SPAG16: variants seen among roughly 807,000 people sequenced by gnomAD.
SPAG16 encodes the protein sperm-associated antigen 16 protein.
In SPAG16, 86 loss-of-function variants were observed where a neutral mutation model predicts 80.4. The observed-to-expected ratio is 1.07, with a 90% confidence interval of 0.90 to 1.28. SPAG16 has a LOEUF of 1.28. SPAG16 is among the 50% of genes most tolerant of loss of function. The pLI, the probability that SPAG16 is intolerant of heterozygous loss-of-function variation, is 0.00. For synonymous variants in SPAG16, 294 were observed against 265.9 expected (o/e 1.11, Z -1.03); for missense variants, 870 against 765.3 (o/e 1.14, Z -1.61).
chr2:214,154,650 T>C (rs1448840737), intron 15 of SPAG16, among the ~76,000 whole-genome samples: 3 of 152,128 alleles, frequency 2.0e-5, no homozygotes, highest in Non-Finnish European at 4.4e-5. Flanking sequence ...AGAAGCAGTA[T>C]AGTGTAAGGG....
At chr2:213,502,213 C>T (rs905445128) in intron 10 of SPAG16, among the ~76,000 whole-genome samples, 1 of 152,100 alleles carries the variant, frequency 6.6e-6, no homozygotes, top group South Asian at 2.1e-4. Context: ...GCAGCCTGGA[C>T]CCCCAGGGAT....
At chr2:213,641,649 G>T (rs1467445620) in intron 10 of SPAG16, among the ~76,000 whole-genome samples, 1 of 152,162 alleles carries the variant, frequency 6.6e-6, no homozygotes, top group African/African-American at 2.4e-5. Context: ...TTCTACTTTT[G>T]TATTTTACTT....
chr2:213,360,162 C>A (rs1036854782), intron 7 of SPAG16, among the ~76,000 whole-genome samples: 42 of 152,170 alleles, frequency 2.8e-4, no homozygotes, highest in African/African-American at 9.2e-4. Context: ...AATGCTAATA[C>A]TGAATACTTG....
chr2:213,569,843 C>A (rs1252312548), intron 10 of SPAG16, among the ~76,000 whole-genome samples: 3 of 134,872 alleles, frequency 2.2e-5, no homozygotes, highest in African/African-American at 7.0e-5. Context: ...TGGTAGAATT[C>A]GGCTGTGAAT....
At chr2:213,494,022 T>C (rs1033811588) in intron 10 of SPAG16, among the ~76,000 whole-genome samples, 32 of 152,128 alleles carry the variant, frequency 2.1e-4, no homozygotes, top group Non-Finnish European at 4.0e-4. Flanking sequence ...CACTCACTCA[T>C]TCTCATTTTC....
chr2:213,790,937 C>T (rs1037457788), intron 10 of SPAG16, among the ~76,000 whole-genome samples: 1 of 152,034 alleles, frequency 6.6e-6, no homozygotes, highest in Non-Finnish European at 1.5e-5. Flanking sequence ...TTGCTTTAAT[C>T]TATTCTCTAC....
rs188610753 is a variant in SPAG16, at chr2:213,699,332, T to C, written c.1071-163153T>C. On this transcript the variant is annotated intron_variant, in intron 10 of 15. Coordinates refer to ENST00000331683, the MANE Select transcript of SPAG16 (RefSeq NM_024532.5). The stretch of plus-strand genomic sequence containing the variant: ...AGACCACTCTTTGCAGACTTCTTCA[T>C]TGCCAGGATCTGCTTCTTAGTTTTC... 2.4e-3 allele frequency among the ~76,000 whole-genome samples: 364 copies of C among 152,364 alleles called. 2 individuals are homozygous for C. In the South Asian group the frequency reaches 0.026, roughly 11 times the overall value.
At chr2:213,991,839 G>A (rs918642647) in intron 12 of SPAG16, among the ~76,000 whole-genome samples, 1 of 149,748 alleles carries the variant, frequency 6.7e-6, no homozygotes, top group African/African-American at 2.5e-5. Flanking sequence ...ACTCTCAAGG[G>A]GACATTTTGA....
intron 15 of SPAG16, among the ~76,000 whole-genome samples, chr2:214,263,339 C>T (rs1468239396): frequency 6.6e-6 from 1 of 152,038 alleles, no homozygotes; most frequent in Non-Finnish European, 1.5e-5. Flanking sequence ...ATGTCTTTAC[C>T]TGCTTTGTTT....
At chr2:213,296,142 A>G in intron 2 of SPAG16, 32 bp downstream of exon 2, 1 of 1,440,202 alleles carries the variant, frequency 6.9e-7, no homozygotes, top group Non-Finnish European at 9.7e-7. Flanking sequence ...TTTATTCTGT[A>G]AATTTATTGC....
chr2:214,362,593 T>A (rs1361044014), intron 15 of SPAG16, among the ~76,000 whole-genome samples: 1 of 151,848 alleles, frequency 6.6e-6, no homozygotes, highest in Non-Finnish European at 1.5e-5. Context: ...GCCAATTGTT[T>A]CCTCCTCACT....
intron 13 of SPAG16, among the ~76,000 whole-genome samples, chr2:214,039,428 A>C (rs1006842887): frequency 6.6e-6 from 1 of 152,232 alleles, no homozygotes; most frequent in African/African-American, 2.4e-5. Context: ...AGCAATGGCA[A>C]CAAAAGCCAA....
intron 15 of SPAG16, among the ~76,000 whole-genome samples, chr2:214,252,463 A>C (rs1367788452): frequency 6.8e-6 from 1 of 147,680 alleles, no homozygotes; most frequent in Non-Finnish European, 1.5e-5. Flanking sequence ...ACCCCACGAC[A>C]GACCACAGTA....
intron 13 of SPAG16, among the ~76,000 whole-genome samples, chr2:214,074,597 T>A (rs936485533): frequency 6.6e-6 from 1 of 152,090 alleles, no homozygotes; most frequent in Non-Finnish European, 1.5e-5. Context: ...TTCCATTCAT[T>A]AACGCCATTA....
intron 10 of SPAG16, among the ~76,000 whole-genome samples, chr2:213,695,860 C>G (rs1250719500): frequency 6.6e-6 from 1 of 152,150 alleles, no homozygotes; most frequent in African/African-American, 2.4e-5. Context: ...GTAGGTTATG[C>G]AGGAAGCCTT....
intron 15 of SPAG16, among the ~76,000 whole-genome samples, chr2:214,331,358 C>A (rs1392675906): frequency 1.3e-5 from 2 of 152,182 alleles, no homozygotes; most frequent in African/African-American, 4.8e-5. Flanking sequence ...TGCTTTTCTT[C>A]TGGGCCGTTG....
intron 10 of SPAG16, among the ~76,000 whole-genome samples, chr2:213,581,146 A>G (rs1272288960): frequency 2.0e-5 from 3 of 152,254 alleles, no homozygotes; most frequent in African/African-American, 4.8e-5. Context: ...TAACTATGCT[A>G]TAATGATCAT....
chr2:213,502,676 T>C (rs1216933972), intron 10 of SPAG16, among the ~76,000 whole-genome samples: 1 of 152,226 alleles, frequency 6.6e-6, no homozygotes, highest in Non-Finnish European at 1.5e-5. Flanking sequence ...CCAATCACGT[T>C]AAAGGCTTTT....
chr2:213,849,151 G>T (rs568729646), intron 10 of SPAG16, among the ~76,000 whole-genome samples: 3 of 152,254 alleles, frequency 2.0e-5, no homozygotes, highest in Middle Eastern at 3.4e-3. Flanking sequence ...TTGGCATAGG[G>T]TGACAGAGAG....
Sources: allele counts gnomAD v4.1 joint callset (sites outside exome capture counted in the v4.1 genomes callset), GRCh38; gene constraint gnomAD v4.1.1; transcripts MANE v1.5; gene names NCBI Gene and HGNC (gene_info 2026-07-23, HGNC 2026-07-21).